The following PCDHA1 variants were observed in gnomAD, a reference collection of about 807,000 sequenced individuals.
PCDHA1 encodes the protein protocadherin alpha-1.
PCDHA1 carries 42 observed loss-of-function variants against 61.3 expected under a neutral mutation model. The ratio of observed to expected loss-of-function variants is 0.69; its 90% confidence interval spans 0.54 to 0.89. The LOEUF (loss-of-function observed/expected upper bound fraction) is 0.89. Ranked by LOEUF, PCDHA1 falls within the 40% of genes least tolerant of loss-of-function variation. The probability of loss-of-function intolerance (pLI) is 0.00; values close to 1 mark genes in which losing one functional copy is unlikely to be tolerated. For missense variants in PCDHA1, 1,256 were observed against 1,235.3 expected (o/e 1.02, Z -0.25); for synonymous variants, 610 against 553.8 (o/e 1.10, Z -1.43).
intron 1 of PCDHA1, among the ~76,000 whole-genome samples, chr5:140,950,299 C>T (rs246045): frequency 0.56 from 85,681 of 151,798 alleles, 24,780 homozygotes; most frequent in African/African-American, 0.69. Context: ...AAAAACTTTA[C>T]TTAGCAGTTT....
intron 1 of PCDHA1, among the ~76,000 whole-genome samples, chr5:140,971,092 G>A (rs1263264725): frequency 2.0e-5 from 3 of 152,168 alleles, no homozygotes; most frequent in Non-Finnish European, 4.4e-5. Flanking sequence ...ACAAATTCTT[G>A]TGAAGCCCTT....
chr5:141,010,455 T>G lies in PCDHA1; in HGVS notation c.*518T>G. The stretch of plus-strand genomic sequence containing the variant: ...AACAAAGACAAATAAACAGCGGAAG[T>G]TATCAGTATGGAGGGGAAGTGTAAA... On this transcript the variant is annotated 3_prime_UTR_variant, in exon 4 of 4. Transcript: ENST00000504120. 1 of 883,470 alleles carries G rather than the reference T, an allele frequency of 1.1e-6. No homozygotes were observed. Among genetic ancestry groups the G allele is most frequent in the South Asian group, 1.9e-5 (1 of 53,228 alleles). 54.7% of individuals were successfully genotyped at this position (883,470 alleles called of 1,614,324 possible). A position where few individuals can be genotyped will look rare whatever the true frequency, so the allele number is the denominator to read the frequency against.
chr5:140,818,135 A>G (rs1375287002), intron 1 of PCDHA1, among the ~76,000 whole-genome samples: 1 of 152,222 alleles, frequency 6.6e-6, no homozygotes, highest in Non-Finnish European at 1.5e-5. Flanking sequence ...ATTTAGCAGT[A>G]TGCCTTCAAA....
At chr5:140,982,317 AG>A in intron 2 of PCDHA1, 157 bp from the exon 3 acceptor site, 1 of 1,347,244 alleles carries the variant, frequency 7.4e-7, no homozygotes, top group East Asian at 2.5e-5. Flanking sequence ...CAGTTTATGC[AG>A]GGTGACTGCT....
Position 140,791,731 on chromosome 5 carries a change from G to T in PCDHA1, c.2394+3047G>T, listed in dbSNP as rs115590195. 2.8e-3 allele frequency among the ~76,000 whole-genome samples: 425 copies of T among 152,244 alleles called. 2 individuals carry two copies. Among genetic ancestry groups the T allele is most frequent in the African/African-American group, 9.8e-3 (408 of 41,546 alleles). On this transcript the variant is annotated intron_variant, in intron 1 of 3. Transcript: ENST00000504120. ...TGATTTCTTTTTCTTAAATATAAAA[G>T]GTAGCAGAAGAAAAATAATAAACTG...
At chr5:140,846,064 C>T (rs2150218418) in intron 1 of PCDHA1, among the ~76,000 whole-genome samples, 1 of 149,696 alleles carries the variant, frequency 6.7e-6, no homozygotes, top group East Asian at 1.9e-4. Flanking sequence ...TGTGGGAAAA[C>T]AGTTTTTTGG....
chr5:140,864,153 T>C (rs1209982386), intron 1 of PCDHA1: 8 of 152,216 alleles, frequency 5.3e-5, no homozygotes, highest in African/African-American at 1.9e-4. Context: ...AATGAGAAAG[T>C]TAAATCTTAC....
chr5:140,933,333 A>G (rs1215342457), intron 1 of PCDHA1, among the ~76,000 whole-genome samples: 1 of 152,032 alleles, frequency 6.6e-6, no homozygotes, highest in Non-Finnish European at 1.5e-5. Flanking sequence ...TGTGCTGTAG[A>G]GAAAGATAAA....
At chr5:140,891,970 C>T (rs1554185021) in intron 1 of PCDHA1, among the ~76,000 whole-genome samples, 1 of 152,168 alleles carries the variant, frequency 6.6e-6, no homozygotes, top group African/African-American at 2.4e-5. Flanking sequence ...AGTAAATTTC[C>T]GTTCTCATAA....
intron 1 of PCDHA1, chr5:140,856,704 C>CAGT (rs2150363917): frequency 6.3e-7 from 1 of 1,596,654 alleles, no homozygotes; most frequent in East Asian, 2.2e-5. Flanking sequence ...GGAGGCAAAC[C>CAGT]TGAATTTACC....
At chr5:140,805,368 C>T (rs1487690921) in intron 1 of PCDHA1, 6 of 1,156,662 alleles carry the variant, frequency 5.2e-6, no homozygotes, top group East Asian at 1.0e-4. Context: ...TGGGTCCCCA[C>T]ATAGTGAAAG....
chr5:140,869,375 A>C, intron 1 of PCDHA1: 1 of 1,614,116 alleles, frequency 6.2e-7, no homozygotes, highest in Non-Finnish European at 8.5e-7. Flanking sequence ...TCTCGGATCG[A>C]CCGCGAGGAG....
At chr5:140,801,981 GT>G in intron 1 of PCDHA1, 1 of 1,614,220 alleles carries the variant, frequency 6.2e-7, no homozygotes, top group Non-Finnish European at 8.5e-7. Flanking sequence ...TACCCTAGTG[GT>G]GACCGTTAAC....
chr5:140,870,549 C>G, intron 1 of PCDHA1: 1 of 1,614,064 alleles, frequency 6.2e-7, no homozygotes, highest in Middle Eastern at 1.7e-4. Context: ...GGGACGCGGA[C>G]GCGCAGGAGA....
intron 1 of PCDHA1, among the ~76,000 whole-genome samples, chr5:140,970,589 C>T (rs74994687): frequency 6.6e-6 from 1 of 152,198 alleles, no homozygotes; most frequent in East Asian, 1.9e-4. Flanking sequence ...CAGAGATATG[C>T]TTTGTGATAC....
rs183711966 is a variant in PCDHA1 at position 140,861,816 on chromosome 5, C to G, written c.2394+73132C>G. 643 of 159,770 alleles carry G rather than the reference C, an allele frequency of 4.0e-3. 2 individuals carry two copies. The highest frequency in any genetic ancestry group is 5.6e-3 in the Non-Finnish European group (413 of 73,346). 9.9% of individuals were successfully genotyped at this position (159,770 alleles called of 1,614,324 possible). A position where few individuals can be genotyped will look rare whatever the true frequency, so the allele number is the denominator to read the frequency against. On this transcript the variant is annotated intron_variant, in intron 1 of 3. Coordinates refer to ENST00000504120, the MANE Select transcript of PCDHA1 (RefSeq NM_018900.4). ...TGAAGGTGTATTTTAAAAATTCTTT[C>G]AGATAGGTAAGTCACTTCAGAGCTA...
intron 1 of PCDHA1, chr5:140,801,871 C>G: frequency 1.2e-6 from 2 of 1,614,084 alleles, no homozygotes; most frequent in Non-Finnish European, 1.7e-6. Flanking sequence ...CTCACTGGCA[C>G]GACTCAACTA....
intron 1 of PCDHA1, chr5:140,858,137 TACCTGATCATCGCC>T: frequency 1.9e-6 from 3 of 1,597,500 alleles, no homozygotes; most frequent in Non-Finnish European, 2.6e-6. Context: ...TGTCAACGTG[TACCTGATCATCGCC>T]ATCTGCGCGG....
chr5:140,928,989 A>T (rs1554206541), intron 1 of PCDHA1: 1 of 1,613,824 alleles, frequency 6.2e-7, no homozygotes, highest in Non-Finnish European at 8.5e-7. Context: ...TGGGGTGCTT[A>T]CTTTTCTTCG....
Sources: allele counts gnomAD v4.1 joint callset (sites outside exome capture counted in the v4.1 genomes callset), GRCh38; gene constraint gnomAD v4.1.1; transcripts MANE v1.5; gene names NCBI Gene and HGNC (gene_info 2026-07-23, HGNC 2026-07-21).